AGTPBP1: variants seen among roughly 807,000 people sequenced by gnomAD.
The protein encoded by AGTPBP1 is cytosolic carboxypeptidase 1.
AGTPBP1 carries 70 observed loss-of-function variants against 143.9 expected under a neutral mutation model. The ratio of observed to expected loss-of-function variants is 0.49; its 90% CI spans 0.40 to 0.59. AGTPBP1 has a LOEUF of 0.59. Ranked by LOEUF, AGTPBP1 falls within the 20% of genes least tolerant of loss-of-function variation. The pLI, the probability that AGTPBP1 is intolerant of heterozygous loss-of-function variation, is 0.00. For synonymous variants in AGTPBP1, 463 were observed against 500.2 expected (o/e 0.93, Z 0.99); for missense variants, 1,229 against 1,464.5 (o/e 0.84, Z 2.62).
At position 85,712,581 on chromosome 9, in the gene AGTPBP1, T is replaced by C. The variant is rs1837449217; in HGVS notation, c.-33-15A>G. ...TTGCAGATAATCTAAAAGAAAAATG[T>C]TAATGATATTAAAAACTTATAACTC... On this transcript the variant is annotated splice_polypyrimidine_tract_variant and intron_variant, in intron 1 of 25. Transcript: ENST00000357081. 7.8e-7 allele frequency: 1 copy of C among 1,280,768 alleles called. No individual in the cohort carries two copies. Among genetic ancestry groups the C allele is most frequent in the Non-Finnish European group, 1.1e-6 (1 of 936,676 alleles). 79.3% of individuals were successfully genotyped at this position (1,280,768 alleles called of 1,614,324 possible).
At chr9:85,763,832 T>C in the AGTPBP1 span, among the ~76,000 whole-genome samples, 1,701 of 152,166 alleles carry the variant, frequency 0.011, 29 homozygotes, top group African/African-American at 0.039. Context: ...TTTTTTAAAA[T>C]TATAAACCTT....
intron 8 of AGTPBP1, 45 bp downstream of exon 8, chr9:85,669,440 G>A (rs1252410206): frequency 6.4e-6 from 8 of 1,254,016 alleles, no homozygotes; most frequent in African/African-American, 1.5e-5. Context: ...GAGGCCCAGA[G>A]TAACAAAGGC....
At chr9:85,684,531 T>C (rs1013645601) in intron 3 of AGTPBP1, among the ~76,000 whole-genome samples, 13 of 151,942 alleles carry the variant, frequency 8.6e-5, no homozygotes, top group African/African-American at 3.1e-4. Flanking sequence ...TGCCTCCCCC[T>C]CTATTTCCCT....
chr9:85,772,485 C>T, the AGTPBP1 span, among the ~76,000 whole-genome samples: 1 of 152,198 alleles, frequency 6.6e-6, no homozygotes, highest in Non-Finnish European at 1.5e-5. Flanking sequence ...TGGTGGCTCA[C>T]GCCTATAATC....
chr9:85,674,018 G>C (rs1834662199), intron 6 of AGTPBP1, among the ~76,000 whole-genome samples: 1 of 151,140 alleles, frequency 6.6e-6, no homozygotes, highest in Non-Finnish European at 1.5e-5. Flanking sequence ...AACTACTCTG[G>C]AGGCTGAGGC....
chr9:85,609,995 C>T (rs933520050), intron 17 of AGTPBP1, among the ~76,000 whole-genome samples: 1 of 152,008 alleles, frequency 6.6e-6, no homozygotes, highest in Non-Finnish European at 1.5e-5. Flanking sequence ...AAAGAGCACC[C>T]CAAAAGGCAA....
At chr9:85,786,889 A>G in the AGTPBP1 span, among the ~76,000 whole-genome samples, 1 of 152,338 alleles carries the variant, frequency 6.6e-6, no homozygotes, top group Admixed American at 6.5e-5. Context: ...ATAGACTAAA[A>G]TATCTATCAA....
At chr9:85,679,854 T>G (rs190884833) in intron 4 of AGTPBP1, among the ~76,000 whole-genome samples, 1 of 152,204 alleles carries the variant, frequency 6.6e-6, no homozygotes, top group East Asian at 1.9e-4. Context: ...TTCTATTTCT[T>G]CATACTTAAA....
In AGTPBP1 at chr9:85,741,859, C is replaced by G. The variant is rs1824324692; in HGVS notation, c.-118G>C. On this transcript the variant is annotated 5_prime_UTR_variant, in exon 1 of 26. Transcript: ENST00000357081. Reference sequence around the variant, plus strand: ...TGGATCACGGCGGATCCCTCGCCGCCCGCCGCCCGGTGTTTTCATACAAAC... The same window carrying G: ...TGGATCACGGCGGATCCCTCGCCGCGCGCCGCCCGGTGTTTTCATACAAAC... 7.2e-7 allele frequency: 1 copy of G among 1,398,120 alleles called. No homozygotes were observed. Among genetic ancestry groups the G allele is most frequent in the African/African-American group, 1.5e-5 (1 of 66,322 alleles). 86.6% of individuals were successfully genotyped at this position (1,398,120 alleles called of 1,614,324 possible).
At chr9:85,590,576 T>A (rs911348198) in intron 19 of AGTPBP1, among the ~76,000 whole-genome samples, 13 of 152,096 alleles carry the variant, frequency 8.5e-5, no homozygotes, top group African/African-American at 3.1e-4. Context: ...CCAGAAACTG[T>A]ACAGGGCATT....
the AGTPBP1 span, among the ~76,000 whole-genome samples, chr9:85,805,042 TGAG>T: frequency 6.6e-6 from 1 of 152,128 alleles, no homozygotes; most frequent in Non-Finnish European, 1.5e-5. Context: ...TCCACCCGCT[TGAG>T]GAGAGCCCTT....
At chr9:85,660,251 C>T (rs1323164166) in intron 9 of AGTPBP1, among the ~76,000 whole-genome samples, 1 of 151,864 alleles carries the variant, frequency 6.6e-6, no homozygotes, top group African/African-American at 2.4e-5. Context: ...TTGTGAAGAC[C>T]AAATGTTACC....
At chr9:85,752,993 T>G in the AGTPBP1 span, among the ~76,000 whole-genome samples, 1 of 152,066 alleles carries the variant, frequency 6.6e-6, no homozygotes, top group African/African-American at 2.4e-5. Flanking sequence ...CTAGTCTAGG[T>G]TACAGAATGA....
chr9:85,746,120 T>C (rs952049444), upstream of AGTPBP1, among the ~76,000 whole-genome samples: 2 of 152,142 alleles, frequency 1.3e-5, no homozygotes, highest in Admixed American at 6.5e-5. Flanking sequence ...CTTTTCCCCC[T>C]GCCCCCACAC....
chr9:85,559,799 G>A (rs966695089), intron 25 of AGTPBP1, among the ~76,000 whole-genome samples: 3 of 152,246 alleles, frequency 2.0e-5, no homozygotes, highest in African/African-American at 2.4e-5. Flanking sequence ...CAACAGTTCC[G>A]AGAAATCTCC....
chr9:85,712,992 A>G (rs2134497997), intron 1 of AGTPBP1, among the ~76,000 whole-genome samples: 1 of 152,332 alleles, frequency 6.6e-6, no homozygotes, highest in South Asian at 2.1e-4. Flanking sequence ...TTATTTCCAT[A>G]TAAGAACATT....
At chr9:85,658,582 T>G (rs1833673353) in intron 9 of AGTPBP1, among the ~76,000 whole-genome samples, 1 of 152,086 alleles carries the variant, frequency 6.6e-6, no homozygotes, top group Non-Finnish European at 1.5e-5. Flanking sequence ...ACTAATCTCT[T>G]CTTAATCTCA....
At chr9:85,739,985 G>C (rs7869135) in intron 1 of AGTPBP1, among the ~76,000 whole-genome samples, 112,507 of 150,356 alleles carry the variant, frequency 0.75, 43,250 homozygotes, top group African/African-American at 0.94. Context: ...GCCTGGGCGA[G>C]AGAGTGAGAC....
chr9:85,795,856 G>GTTTTTT, the AGTPBP1 span, among the ~76,000 whole-genome samples: 136 of 70,678 alleles, frequency 1.9e-3, 5 homozygotes, highest in African/African-American at 4.8e-3. Flanking sequence ...CTTCTTCTTA[G>GTTTTTT]TTTTTTTTTT....
Sources: allele counts gnomAD v4.1 joint callset (sites outside exome capture counted in the v4.1 genomes callset), GRCh38; gene constraint gnomAD v4.1.1; transcripts MANE v1.5; gene names NCBI Gene and HGNC (gene_info 2026-07-23, HGNC 2026-07-21).